The following AOX1 variants were observed in gnomAD, a reference collection of about 807,000 sequenced individuals.
AOX1 encodes the protein aldehyde oxidase.
A neutral mutation model predicts 169.5 loss-of-function variants in AOX1; 153 were observed. That is an observed-to-expected ratio of 0.90 (90% CI 0.79 to 1.03). The LOEUF (loss-of-function observed/expected upper bound fraction) is 1.03. Ranked by LOEUF, AOX1 falls within the 50% of genes least tolerant of loss-of-function variation. The pLI, the probability that AOX1 is intolerant of heterozygous loss-of-function variation, is 0.00. For missense variants in AOX1, 1,656 were observed against 1,663.9 expected (o/e 1.00, Z 0.08); for synonymous variants, 562 against 581.9 (o/e 0.97, Z 0.49).
chr2:200,591,459 C>A (rs188654738), intron 1 of AOX1, among the ~76,000 whole-genome samples: 10 of 152,328 alleles, frequency 6.6e-5, no homozygotes, highest in Non-Finnish European at 1.5e-4. Context: ...ACAGAGGGAA[C>A]CTTGCATGCA....
At chr2:200,628,719 A>G (rs1027936979) in intron 20 of AOX1, among the ~76,000 whole-genome samples, 1 of 152,314 alleles carries the variant, frequency 6.6e-6, no homozygotes, top group East Asian at 1.9e-4. Context: ...ACTTGAGGCC[A>G]GGAATTCAAG....
chr2:200,636,824 G>A (rs1186803028), intron 21 of AOX1, 87 bp from the exon 22 acceptor site: 11 of 1,489,042 alleles, frequency 7.4e-6, no homozygotes, highest in Non-Finnish European at 1.0e-5. Context: ...TGTTGTTGTT[G>A]TTAAAATCAT....
chr2:200,678,864 G>A (rs1296031546), downstream of AOX1, among the ~76,000 whole-genome samples: 1 of 152,114 alleles, frequency 6.6e-6, no homozygotes, highest in Non-Finnish European at 1.5e-5. Context: ...TTACACTCTG[G>A]TGAAGTTATT....
At chr2:200,627,318 G>A in intron 19 of AOX1, 35 bp from the exon 20 acceptor site, 2 of 1,500,534 alleles carry the variant, frequency 1.3e-6, no homozygotes, top group Non-Finnish European at 1.9e-6. Flanking sequence ...AGGGTCTCTT[G>A]CCCAAGCTGC....
chr2:200,663,205 C>T (rs1195530158), intron 31 of AOX1, among the ~76,000 whole-genome samples: 1 of 152,112 alleles, frequency 6.6e-6, no homozygotes, highest in Non-Finnish European at 1.5e-5. Flanking sequence ...TAAATGGAAT[C>T]AGGAAAGAAA....
At chr2:200,668,594 C>G (rs750776522) in intron 32 of AOX1, 21 bp from the exon 33 acceptor site, 6 of 1,579,796 alleles carry the variant, frequency 3.8e-6, no homozygotes, top group Non-Finnish European at 4.3e-6. Context: ...CGTGGAAATT[C>G]TTTTTTTGTT....
At chr2:200,626,623 G>C (rs2105729783) in intron 19 of AOX1, among the ~76,000 whole-genome samples, 1 of 152,294 alleles carries the variant, frequency 6.6e-6, no homozygotes, top group Middle Eastern at 3.4e-3. Flanking sequence ...TGTATAAATG[G>C]ATTTGTACAC....
At position 200,660,000 on chromosome 2, in the gene AOX1, C is replaced by T. The variant is rs753048452; in HGVS notation, c.3306C>T (p.Ala1102=). ...ADLNGLAVKD[A]CQTLLKRLEP... ...AATTTAAAAATAATCTCTAGGATGC[C>T]TGTCAAACTCTTCTAAAACGCCTCG... Residue 1102 remains alanine (A), a synonymous_variant, in exon 29 of 35, where the codon GCC becomes GCT. Coordinates refer to ENST00000374700, the MANE Select transcript of AOX1 (RefSeq NM_001159.4). 5.3e-5 allele frequency: 85 copies of T among 1,612,024 alleles called. No homozygotes were observed. Among genetic ancestry groups the T allele is most frequent in the Non-Finnish European group, 7.0e-5 (83 of 1,178,790 alleles).
chr2:200,670,308 C>T (rs532891677), intron 34 of AOX1, among the ~76,000 whole-genome samples: 22 of 152,114 alleles, frequency 1.4e-4, no homozygotes, highest in Non-Finnish European at 2.9e-4. Context: ...AGGGAAAGCC[C>T]CTCCCATCCT....
rs1559239403 is a variant in AOX1, at chr2:200,615,961, T to C, written c.1612-10T>C. On this transcript the variant is annotated splice_polypyrimidine_tract_variant and intron_variant, in intron 15 of 34. Transcript: ENST00000374700. ...CTATTTAAAATATCTGCAATGGTTC[T>C]ACTTTTCAGGATCCAGTTCACTATC... 2 of 1,602,306 alleles carry C rather than the reference T, an allele frequency of 1.2e-6. No individual in the cohort carries two copies. The highest frequency in any genetic ancestry group is 2.2e-5 in the East Asian group (1 of 44,796).
chr2:200,660,163 G>A (rs2105768616), intron 29 of AOX1, 94 bp downstream of exon 29: 2 of 1,064,736 alleles, frequency 1.9e-6, no homozygotes, highest in East Asian at 2.4e-5. Context: ...CTGTAGAAAG[G>A]GCATTTGCAA....
intron 25 of AOX1, among the ~76,000 whole-genome samples, chr2:200,643,315 G>A (rs1265343138): frequency 2.0e-5 from 3 of 150,624 alleles, no homozygotes; most frequent in African/African-American, 7.3e-5. Flanking sequence ...TGAGATTTTG[G>A]TGCACCCATC....
chr2:200,654,669 C>T (rs957958440), intron 26 of AOX1, among the ~76,000 whole-genome samples: 7 of 152,154 alleles, frequency 4.6e-5, no homozygotes, highest in African/African-American at 1.7e-4. Flanking sequence ...ATGGCTGAAA[C>T]ATTTGGGGAA....
rs368427063 is a variant in AOX1 at position 200,621,244 on chromosome 2, A to G, written c.1999A>G (p.Lys667Glu). 2.5e-6 allele frequency: 4 copies of G among 1,612,932 alleles called. No homozygotes were observed. In the African/African-American group the frequency reaches 4.0e-5, roughly 16 times the overall value. Residue 667 changes from lysine (K) to glutamate (E), a missense_variant and splice_region_variant, in exon 18 of 35, where the codon AAG (lysine) becomes GAG (glutamate). Physicochemically the swap from Lys to Glu is moderately conservative, Grantham distance 56 (BLOSUM62 1). Transcript: ENST00000374700. Reference sequence around the variant, plus strand: ...AGCTGAGAAATTTCTGGCGACAGATAAGGTACTGCATTTTTGCTTTCTATT... The same window carrying G: ...AGCTGAGAAATTTCTGGCGACAGATGAGGTACTGCATTTTTGCTTTCTATT... Reference protein sequence around the residue: ...TEAEKFLATDKVFCVGQLVCA... With the variant: ...TEAEKFLATDEVFCVGQLVCA...
intron 20 of AOX1, among the ~76,000 whole-genome samples, chr2:200,632,880 T>C (rs1574938528): frequency 8.5e-6 from 1 of 118,338 alleles, no homozygotes; most frequent in African/African-American, 2.8e-5. Flanking sequence ...TTAAAAGTGC[T>C]TTTTTTTTTC....
chr2:200,626,492 A>T (rs914160652), intron 19 of AOX1, among the ~76,000 whole-genome samples: 1 of 152,264 alleles, frequency 6.6e-6, no homozygotes, highest in African/African-American at 2.4e-5. Context: ...CACATGGATT[A>T]CTGCAAGATA....
chr2:200,624,840 T>C (rs1054043837), intron 19 of AOX1, among the ~76,000 whole-genome samples: 2 of 152,162 alleles, frequency 1.3e-5, no homozygotes, highest in East Asian at 3.9e-4. Context: ...GGGGAGGCAG[T>C]GTAAATAGAT....
chr2:200,634,041 T>TG (rs1217453153), intron 20 of AOX1, among the ~76,000 whole-genome samples: 1 of 151,906 alleles, frequency 6.6e-6, no homozygotes, highest in Non-Finnish European at 1.5e-5. Flanking sequence ...ACAGTAGGGG[T>TG]GGGGCTGCAG....
chr2:200,658,304 CATT>C (rs1331987785), intron 27 of AOX1, among the ~76,000 whole-genome samples: 3 of 152,174 alleles, frequency 2.0e-5, no homozygotes, highest in Admixed American at 2.0e-4. Flanking sequence ...GAAAGTATCT[CATT>C]ATTGCTTTCA....
Sources: gnomAD v4.1 joint callset for allele counts (sites outside exome capture counted in the v4.1 genomes callset) on GRCh38, gnomAD v4.1.1 for gene constraint, MANE v1.5 for transcripts, NCBI Gene and HGNC (gene_info 2026-07-23, HGNC 2026-07-21) for gene names.